The following PARD3B variants were observed in gnomAD, a reference collection of about 807,000 sequenced individuals.
PARD3B encodes the protein par-3 family cell polarity regulator beta.
A neutral mutation model predicts 130.2 loss-of-function variants in PARD3B; 103 were observed. That is an observed-to-expected ratio of 0.79 (90% CI 0.67 to 0.93). PARD3B has a LOEUF of 0.93. Ranked by LOEUF, PARD3B falls within the 40% of genes least tolerant of loss-of-function variation. The pLI is 0.00. For synonymous variants in PARD3B, 583 were observed against 553.2 expected (o/e 1.05, Z -0.76); for missense variants, 1,609 against 1,499.2 (o/e 1.07, Z -1.21).
chr2:204,957,248 A>AAGG (rs1219937703), intron 2 of PARD3B, among the ~76,000 whole-genome samples: 4 of 152,202 alleles, frequency 2.6e-5, no homozygotes, highest in Non-Finnish European at 4.4e-5. Context: ...CATACTACAT[A>AAGG]ATTTCAAAGA....
rs1318546760 is a variant in PARD3B at position 205,127,142 on chromosome 2, C to A, written c.1434+1405C>A. Among the ~76,000 whole-genome samples the A allele has an allele frequency of 7.3e-5, 11 of 151,528 alleles. No homozygotes were observed. In the South Asian group the frequency reaches 1.5e-3, roughly 20 times the overall value. On this transcript the variant is annotated intron_variant, in intron 10 of 22. Coordinates refer to ENST00000406610, the MANE Select transcript of PARD3B (RefSeq NM_001302769.2). ...GAAACCCCGTCTCTACTAAAAAATACAAAAAGTAGCCAGGCATGGTGGCAT... is the reference window on the plus strand; with the variant it reads ...GAAACCCCGTCTCTACTAAAAAATAAAAAAAGTAGCCAGGCATGGTGGCAT...
At chr2:205,612,989 C>T (rs768734424) in intron 22 of PARD3B, among the ~76,000 whole-genome samples, 1 of 152,100 alleles carries the variant, frequency 6.6e-6, no homozygotes, top group Admixed American at 6.5e-5. Flanking sequence ...TGGCTTCTGC[C>T]CTGTCACCAC....
intron 4 of PARD3B, among the ~76,000 whole-genome samples, chr2:205,055,911 G>T (rs1699598176): frequency 6.6e-6 from 1 of 152,140 alleles, no homozygotes; most frequent in African/African-American, 2.4e-5. Context: ...ATATGCGTAT[G>T]TGTGTACCCT....
chr2:205,577,725 G>C (rs1306945877), intron 22 of PARD3B, among the ~76,000 whole-genome samples: 1 of 151,912 alleles, frequency 6.6e-6, no homozygotes, highest in Non-Finnish European at 1.5e-5. Flanking sequence ...TTTTTTAAAG[G>C]GATCTTCACT....
intron 2 of PARD3B, among the ~76,000 whole-genome samples, chr2:204,953,056 GTA>G (rs968058070): frequency 6.0e-5 from 8 of 132,974 alleles, no homozygotes; most frequent in South Asian, 3.4e-4. Flanking sequence ...GTATATATAC[GTA>G]TATATATAGA....
chr2:205,357,192 A>C (rs1410999074), intron 18 of PARD3B, among the ~76,000 whole-genome samples: 1 of 152,180 alleles, frequency 6.6e-6, no homozygotes, highest in Non-Finnish European at 1.5e-5. Flanking sequence ...GTGGGAGGAG[A>C]GAAGGACATT....
chr2:205,206,216 C>CT (rs201694463), intron 15 of PARD3B, among the ~76,000 whole-genome samples: 27,584 of 127,696 alleles, frequency 0.22, 2,802 homozygotes, highest in East Asian at 0.36. Flanking sequence ...TTTTTTTTTT[C>CT]TTTTTTTTTT....
intron 18 of PARD3B, among the ~76,000 whole-genome samples, chr2:205,373,203 T>G (rs572502672): frequency 1.3e-5 from 2 of 152,190 alleles, no homozygotes; most frequent in East Asian, 3.9e-4. Context: ...ATTCTTTGAT[T>G]CTCCAGGGGG....
At chr2:205,488,012 T>A (rs777943878) in intron 20 of PARD3B, among the ~76,000 whole-genome samples, 10 of 152,210 alleles carry the variant, frequency 6.6e-5, no homozygotes, top group Admixed American at 1.3e-4. Flanking sequence ...AATACAAGTT[T>A]TGTAGGTTTC....
At chr2:204,786,099 G>C in intron 2 of PARD3B, among the ~76,000 whole-genome samples, 1 of 132,244 alleles carries the variant, frequency 7.6e-6, no homozygotes, top group East Asian at 2.2e-4. Flanking sequence ...AGGTGACAGA[G>C]TGAGACTCCA....
At chr2:205,507,197 T>TA (rs1491220075) in intron 21 of PARD3B, among the ~76,000 whole-genome samples, 6 of 57,884 alleles carry the variant, frequency 1.0e-4, no homozygotes, top group Admixed American at 1.9e-4. Flanking sequence ...AGGTGCAGTA[T>TA]TTTTTTTTTT....
intron 3 of PARD3B, among the ~76,000 whole-genome samples, chr2:205,037,008 TA>T (rs933564786): frequency 4.7e-5 from 7 of 150,160 alleles, no homozygotes; most frequent in East Asian, 2.0e-4. Flanking sequence ...ACTGTATATA[TA>T]AAAAATATAT....
At chr2:205,549,568 A>G (rs1054452933) in intron 21 of PARD3B, among the ~76,000 whole-genome samples, 13 of 152,162 alleles carry the variant, frequency 8.5e-5, no homozygotes, top group Non-Finnish European at 1.9e-4. Context: ...TACCAACTAT[A>G]TGACACTCTG....
At chr2:205,193,038 G>T (rs2125805454) in intron 14 of PARD3B, among the ~76,000 whole-genome samples, 167 bp from the exon 15 acceptor site, 1 of 152,284 alleles carries the variant, frequency 6.6e-6, no homozygotes, top group South Asian at 2.1e-4. Context: ...TGAAAACAGA[G>T]TTGCTACATC....
chr2:205,566,771 G>C (rs1270634897), intron 22 of PARD3B, among the ~76,000 whole-genome samples: 1 of 152,190 alleles, frequency 6.6e-6, no homozygotes, highest in Non-Finnish European at 1.5e-5. Flanking sequence ...AAACCACAGA[G>C]TCGCATACTC....
intron 2 of PARD3B, among the ~76,000 whole-genome samples, chr2:204,833,271 G>A (rs1030529854): frequency 6.6e-6 from 1 of 152,048 alleles, no homozygotes; most frequent in Admixed American, 6.6e-5. Context: ...CTGGGGAAAC[G>A]TTTAGATAAC....
At chr2:205,517,223 TTTGTTG>T (rs758535827) in intron 21 of PARD3B, among the ~76,000 whole-genome samples, 5 of 152,146 alleles carry the variant, frequency 3.3e-5, no homozygotes, top group African/African-American at 9.7e-5. Flanking sequence ...GGCTTTAAGC[TTTGTTG>T]TTGTTGTGTC....
At chr2:204,753,720 C>T (rs2040554569) in intron 2 of PARD3B, among the ~76,000 whole-genome samples, 1 of 152,056 alleles carries the variant, frequency 6.6e-6, no homozygotes. Context: ...CTTTGATTCT[C>T]TTGTCACAAA....
intron 3 of PARD3B, among the ~76,000 whole-genome samples, chr2:204,968,199 A>G (rs947364482): frequency 6.6e-6 from 1 of 152,240 alleles, no homozygotes; most frequent in Non-Finnish European, 1.5e-5. Flanking sequence ...TTAAGCAGAC[A>G]CAATTCAACA....
Sources: allele counts gnomAD v4.1 joint callset (sites outside exome capture counted in the v4.1 genomes callset), GRCh38; gene constraint gnomAD v4.1.1; transcripts MANE v1.5; gene names NCBI Gene and HGNC (gene_info 2026-07-23, HGNC 2026-07-21).